The following NME9 variants were observed in gnomAD, a reference collection of about 807,000 sequenced individuals.
NME9 encodes the protein thioredoxin domain-containing protein 6.
Under a neutral mutation model 44.4 loss-of-function variants are expected in NME9, and 48 were observed. That is an observed-to-expected ratio of 1.08 (90% confidence interval 0.86 to 1.37). The LOEUF is 1.37. Ranked by LOEUF, NME9 falls within the 40% of genes most tolerant of loss-of-function variation. The pLI, the probability that NME9 is intolerant of heterozygous loss-of-function variation, is 0.00. For missense variants in NME9, 325 were observed against 405.2 expected (o/e 0.80, Z 1.70); for synonymous variants, 139 against 147.1 (o/e 0.94, Z 0.40).
chr3:138,301,711 G>T lies in NME9; in HGVS notation c.929-7C>A. Reference sequence around the variant, plus strand: ...GTTGCTTCAGCCTCACCGCCTGTGGGATGACAGATGTTTGGTAGGACTCCT... The same window carrying T: ...GTTGCTTCAGCCTCACCGCCTGTGGTATGACAGATGTTTGGTAGGACTCCT... On this transcript the variant is annotated splice_region_variant and splice_polypyrimidine_tract_variant and intron_variant, in intron 10 of 10. Transcript: ENST00000333911. 1.3e-6 allele frequency: 2 copies of T among 1,535,360 alleles called. No homozygotes were observed. The highest frequency in any genetic ancestry group is 1.7e-6 in the Non-Finnish European group (2 of 1,146,234).
chr3:138,261,721 G>A (rs1197252151), exon 9 of NME9: 1 of 152,236 alleles, frequency 6.6e-6, no homozygotes, highest in Non-Finnish European at 1.5e-5. Flanking sequence ...AGGTAGGACA[G>A]AGTAAAGATG....
intron 8 of NME9, among the ~76,000 whole-genome samples, chr3:138,295,316 T>C (rs376284781): frequency 9.2e-5 from 14 of 152,330 alleles, no homozygotes; most frequent in African/African-American, 2.9e-4. Flanking sequence ...CAAGATGAAA[T>C]TGTAGCCTTC....
intron 2 of NME9, among the ~76,000 whole-genome samples, chr3:138,322,488 G>C (rs2053532574): frequency 6.9e-5 from 1 of 14,572 alleles, no homozygotes; most frequent in African/African-American, 2.3e-4. Flanking sequence ...AAAAAGGGGT[G>C]TGTGTGTGTG....
chr3:138,325,192 AAATT>A (rs1440405956), intron 1 of NME9, among the ~76,000 whole-genome samples: 2 of 152,230 alleles, frequency 1.3e-5, no homozygotes, highest in African/African-American at 4.8e-5. Context: ...AACAATATAT[AAATT>A]GTTTTTGTGT....
At chr3:138,263,894 TGAGTAAACACA>T in intron 8 of NME9, 1 of 1,307,670 alleles carries the variant, frequency 7.6e-7, no homozygotes. Context: ...GGTCCTTCAC[TGAGTAAACACA>T]GACTACAAAT....
At chr3:138,262,555 G>A (rs2047850387) in exon 9 of NME9, 1 of 1,611,780 alleles carries the variant, frequency 6.2e-7, no homozygotes, top group African/African-American at 1.3e-5. Context: ...CTAGGTCAGT[G>A]ATCTTCAACC....
chr3:138,284,557 T>A (rs765410627), intron 8 of NME9: 2 of 1,479,178 alleles, frequency 1.4e-6, no homozygotes, highest in African/African-American at 2.8e-5. Flanking sequence ...ACCGTAGGAT[T>A]AGAATGCAGG....
chr3:138,265,862 TG>T (rs2048230938), intron 8 of NME9, among the ~76,000 whole-genome samples: 1 of 152,158 alleles, frequency 6.6e-6, no homozygotes. Flanking sequence ...ACAGAGTATA[TG>T]ATTTATGTGT....
intron 8 of NME9, among the ~76,000 whole-genome samples, chr3:138,286,006 G>A (rs1171841601): frequency 5.3e-5 from 8 of 152,040 alleles, no homozygotes; most frequent in South Asian, 2.1e-4. Context: ...GTGCAGTGAC[G>A]CGATCTTGGC....
intron 8 of NME9, among the ~76,000 whole-genome samples, chr3:138,279,232 T>G (rs1025593515): frequency 2.0e-5 from 3 of 152,190 alleles, no homozygotes; most frequent in Non-Finnish European, 4.4e-5. Flanking sequence ...TATTGGATTA[T>G]TTTTACTTTT....
Position 138,262,572 on chromosome 3 carries a change from G to A in NME9, c.760C>T (p.Gln254Ter), listed in dbSNP as rs758373409. ...AGGTCAGTGATCTTCAACCTTGGCT[G>A]TGTACTGGACTCACCTGAGGAGATT... Residue 254 changes from glutamine to a stop codon, truncating the protein, a stop_gained, in exon 9 of 9, where the codon CAG becomes TAG. Coordinates refer to the NME9 transcript ENST00000317876. LOFTEE classifies it high-confidence loss of function. 1.2e-6 allele frequency: 2 copies of A among 1,610,724 alleles called. No homozygotes were observed. The highest frequency in any genetic ancestry group is 2.2e-5 in the East Asian group (1 of 44,830).
At chr3:138,271,378 A>G (rs1385832966) in intron 8 of NME9, among the ~76,000 whole-genome samples, 2 of 152,144 alleles carry the variant, frequency 1.3e-5, no homozygotes, top group Non-Finnish European at 1.5e-5. Context: ...ATCTCATAAC[A>G]TGGTTTCAAC....
At chr3:138,262,475 G>T in exon 9 of NME9, 1 of 1,552,214 alleles carries the variant, frequency 6.4e-7, no homozygotes, top group Non-Finnish European at 8.7e-7. Context: ...TTCTTGTTTG[G>T]CTGAAACATC....
At position 138,289,931 on chromosome 3, in the gene NME9, G is replaced by A. The variant is rs115354149; in HGVS notation, c.745+13576C>T. Among the ~76,000 whole-genome samples the A allele has an allele frequency of 1.7e-3, 264 of 152,202 alleles. 2 individuals are homozygous for A. The highest frequency in any genetic ancestry group is 5.8e-3 in the African/African-American group (242 of 41,516). On this transcript the variant is annotated intron_variant, in intron 8 of 8. Coordinates refer to the NME9 transcript ENST00000317876. ...CTCCAGGGGATTACTCAGCAGCAGC[G>A]CCCAAAACAAAGTGCAAGAAGGGAA...
chr3:138,273,193 C>G (rs1314190891), intron 8 of NME9: 2 of 1,403,828 alleles, frequency 1.4e-6, no homozygotes, highest in South Asian at 1.4e-5. Flanking sequence ...TCTCTGTGCT[C>G]TCATTAACAT....
chr3:138,329,465 G>A lies in NME9; in HGVS notation c.-130C>T. Reference sequence around the variant, plus strand: ...GACAAGCCCCCCTCCTACGGCCCCCGGCCCCTTTTTAAGGTGCTTCTAACT... The same window carrying A: ...GACAAGCCCCCCTCCTACGGCCCCCAGCCCCTTTTTAAGGTGCTTCTAACT... On this transcript the variant is annotated 5_prime_UTR_variant, in exon 1 of 11. Transcript: ENST00000333911. 7.4e-6 allele frequency: 11 copies of A among 1,492,378 alleles called. No individual in the cohort carries two copies. The highest frequency in any genetic ancestry group is 8.9e-6 in the Non-Finnish European group (10 of 1,127,094). 92.4% of individuals were successfully genotyped at this position (1,492,378 alleles called of 1,614,324 possible).
In NME9 at chr3:138,303,592, G is replaced by C; in HGVS notation, c.843C>G (p.Ser281Arg). The change falls in exon 10 of 11, where the codon AGC (serine) becomes AGG (arginine). Residue 281 changes from serine to arginine, a missense_variant. Transcript: ENST00000333911. The stretch of plus-strand genomic sequence containing the variant: ...CTCTGTCAGCATCTTCTCTGTCCCG[G>C]CTTCCATGGACGGCATTGAAGGGCA... Reference protein sequence around the residue: ...TEMPFNAVHGSRDREDADREL... With the variant: ...TEMPFNAVHGRRDREDADREL... 6.2e-7 allele frequency: 1 copy of C among 1,613,820 alleles called. No individual in the cohort carries two copies. Among genetic ancestry groups the C allele is most frequent in the South Asian group, 1.1e-5 (1 of 91,082 alleles).
At chr3:138,325,574 AT>A (rs940141310) in intron 1 of NME9, among the ~76,000 whole-genome samples, 1 of 151,740 alleles carries the variant, frequency 6.6e-6, no homozygotes, top group African/African-American at 2.4e-5. Context: ...ACACCTGGCC[AT>A]TTTTGTATTT....
At chr3:138,283,536 G>GT (rs1412952829) in intron 8 of NME9, among the ~76,000 whole-genome samples, 6 of 151,360 alleles carry the variant, frequency 4.0e-5, no homozygotes, top group Non-Finnish European at 5.9e-5. Flanking sequence ...CAGGGAGTGT[G>GT]TTTTTTTTTC....
Sources: allele counts gnomAD v4.1 joint callset (sites outside exome capture counted in the v4.1 genomes callset), GRCh38; gene constraint gnomAD v4.1.1; transcripts MANE v1.5; gene names NCBI Gene and HGNC (gene_info 2026-07-23, HGNC 2026-07-21).